PIK3C3: variants seen among roughly 807,000 people sequenced by gnomAD.
The protein encoded by PIK3C3 is PI3-kinase type 3.
PIK3C3 carries 95 observed loss-of-function variants against 126.1 expected under a neutral mutation model. The observed-to-expected ratio is 0.75, with a 90% CI of 0.64 to 0.89. PIK3C3 has a LOEUF of 0.89. Ranked by LOEUF, PIK3C3 falls within the 40% of genes least tolerant of loss-of-function variation. The probability of loss-of-function intolerance (pLI) is 0.00; values close to 1 mark genes in which losing one functional copy is unlikely to be tolerated. For missense variants in PIK3C3, 829 were observed against 1,063.2 expected, an observed-to-expected ratio of 0.78 and a Z score of 3.06; for synonymous variants, 374 against 360.0, an observed-to-expected ratio of 1.04 and a Z score of -0.44.
intron 5 of PIK3C3, 105 bp downstream of exon 5, chr18:41,988,003 C>A: frequency 1.5e-6 from 1 of 647,010 alleles, no homozygotes; most frequent in Non-Finnish European, 2.6e-6. Context: ...ATAGGATTAT[C>A]AGGGTTAACC....
intron 4 of PIK3C3, chr18:41,984,767 A>T (rs949697635): frequency 1.3e-5 from 2 of 152,188 alleles, no homozygotes; most frequent in African/African-American, 4.8e-5. Context: ...TCTGATAAGT[A>T]AGCGCTGTGC....
At chr18:42,062,258 A>T (rs62082876) in intron 22 of PIK3C3, among the ~76,000 whole-genome samples, 13,068 of 149,140 alleles carry the variant, frequency 0.088, 616 homozygotes, top group Non-Finnish European at 0.11. Flanking sequence ...TTTTTTTATA[A>T]TATGTAACAG....
intron 24 of PIK3C3, among the ~76,000 whole-genome samples, chr18:42,078,136 G>T (rs1346616746): frequency 6.6e-6 from 1 of 151,950 alleles, no homozygotes; most frequent in East Asian, 1.9e-4. Flanking sequence ...CCAGCACTTT[G>T]GGAGGCCGAG....
At chr18:42,041,560 T>A (rs1354573603) in intron 19 of PIK3C3, among the ~76,000 whole-genome samples, 7 of 148,628 alleles carry the variant, frequency 4.7e-5, no homozygotes, top group Admixed American at 4.7e-4. Context: ...TTGTTATTTT[T>A]AAAATATAAT....
At chr18:42,051,727 G>T (rs1984811592) in intron 21 of PIK3C3, among the ~76,000 whole-genome samples, 1 of 151,900 alleles carries the variant, frequency 6.6e-6, no homozygotes, top group South Asian at 2.1e-4. Context: ...TTGTAATTTG[G>T]AAGTTTTCAT....
At chr18:42,073,131 T>C (rs571306921) in intron 24 of PIK3C3, among the ~76,000 whole-genome samples, 7 of 152,212 alleles carry the variant, frequency 4.6e-5, no homozygotes, top group African/African-American at 1.7e-4. Context: ...TGTAAAAAAA[T>C]AAATAACCAA....
chr18:42,058,341 T>G lies in PIK3C3; in HGVS notation c.2432+290T>G, dbSNP rs141703850. Among the ~76,000 whole-genome samples, 832 of 152,284 alleles carry G rather than the reference T, an allele frequency of 5.5e-3. 13 individuals carry two copies. Among genetic ancestry groups the G allele is most frequent in the African/African-American group, 0.019 (790 of 41,552 alleles). On this transcript the variant is annotated intron_variant, in intron 22 of 24. Transcript: ENST00000262039. ...AACATGGAGGCTTCCAACTCAATGGTGTTGATGTCACTTTAATAAAGTATA... is the reference window on the plus strand; with the variant it reads ...AACATGGAGGCTTCCAACTCAATGGGGTTGATGTCACTTTAATAAAGTATA...
chr18:42,055,020 C>T (rs1984999264), intron 21 of PIK3C3, among the ~76,000 whole-genome samples: 1 of 151,660 alleles, frequency 6.6e-6, no homozygotes, highest in Non-Finnish European at 1.5e-5. Context: ...TTCTTTTTCC[C>T]ACTTGCTATA....
At chr18:41,969,598 A>G (rs1980550798) in intron 3 of PIK3C3, among the ~76,000 whole-genome samples, 1 of 152,240 alleles carries the variant, frequency 6.6e-6, no homozygotes, top group Admixed American at 6.5e-5. Flanking sequence ...ATGTTTTTGT[A>G]TGAATCTACT....
intron 15 of PIK3C3, among the ~76,000 whole-genome samples, chr18:42,030,731 C>T (rs1340627583): frequency 6.6e-6 from 1 of 152,168 alleles, no homozygotes; most frequent in African/African-American, 2.4e-5. Flanking sequence ...TGTAGCACCT[C>T]TCCCCAGAGG....
intron 4 of PIK3C3, among the ~76,000 whole-genome samples, chr18:41,977,064 G>A (rs955971252): frequency 6.6e-6 from 1 of 152,162 alleles, no homozygotes; most frequent in Non-Finnish European, 1.5e-5. Context: ...AAGGTAGATA[G>A]AATATGAAGC....
At chr18:42,023,844 C>T (rs890619042) in intron 13 of PIK3C3, among the ~76,000 whole-genome samples, 1 of 152,148 alleles carries the variant, frequency 6.6e-6, no homozygotes, top group Non-Finnish European at 1.5e-5. Flanking sequence ...TTCCTTTGAA[C>T]ACTTGAATTT....
At chr18:42,076,149 T>TATATATATATACGC (rs1986004623) in intron 24 of PIK3C3, among the ~76,000 whole-genome samples, 1 of 88,626 alleles carries the variant, frequency 1.1e-5, no homozygotes, top group Non-Finnish European at 2.0e-5. Flanking sequence ...TATATGCGCA[T>TATATATATATACGC]ATATATATAT....
In PIK3C3 at chr18:42,033,882, G is replaced by C. The variant is rs1321061081; in HGVS notation, c.1764G>C (p.Val588=). The C allele has an allele frequency of 2.5e-6, 4 of 1,604,570 alleles. No individual in the cohort carries two copies. In the Admixed American group the frequency reaches 6.8e-5, roughly 27 times the overall value. Residue 588 remains valine (V), a synonymous_variant, in exon 16 of 25, where the codon GTG becomes GTC. Coordinates refer to ENST00000262039, the MANE Select transcript of PIK3C3 (RefSeq NM_002647.4). ...ATGAAAAGATGAATTTGTCAGATGT[G>C]GAACTTATCCCGTTGCCTTTAGAAC... is the stretch of plus-strand genomic sequence containing the variant. ...GDNEKMNLSD[V]ELIPLPLEPQ...
chr18:42,078,643 T>C (rs927096601), intron 24 of PIK3C3, among the ~76,000 whole-genome samples: 1 of 152,198 alleles, frequency 6.6e-6, no homozygotes, highest in African/African-American at 2.4e-5. Flanking sequence ...GAAAGTCCTA[T>C]GTGGCATCTT....
intron 23 of PIK3C3, 143 bp from the exon 24 acceptor site, chr18:42,067,245 C>A (rs1475217833): frequency 2.7e-5 from 19 of 697,034 alleles, no homozygotes; most frequent in Non-Finnish European, 4.1e-5. Context: ...GAATGCCATT[C>A]AGAATTCTAA....
chr18:41,964,375 A>C (rs1184255508), intron 3 of PIK3C3, among the ~76,000 whole-genome samples: 1 of 152,144 alleles, frequency 6.6e-6, no homozygotes, highest in Admixed American at 6.5e-5. Flanking sequence ...TTCTTTGCTT[A>C]GTATCTGTGT....
intron 16 of PIK3C3, among the ~76,000 whole-genome samples, chr18:42,036,801 A>G (rs879775619): frequency 6.6e-6 from 1 of 152,096 alleles, no homozygotes; most frequent in African/African-American, 2.4e-5. Context: ...AAGCTGCACA[A>G]CTAGTACAGA....
chr18:42,050,695 A>G (rs917810246), intron 21 of PIK3C3: 3 of 152,318 alleles, frequency 2.0e-5, no homozygotes, highest in East Asian at 1.9e-4. Context: ...CACTGTCTTC[A>G]TTTTTACTAC....
Sources: allele counts gnomAD v4.1 joint callset (sites outside exome capture counted in the v4.1 genomes callset), GRCh38; gene constraint gnomAD v4.1.1; transcripts MANE v1.5; gene names NCBI Gene and HGNC (gene_info 2026-07-23, HGNC 2026-07-21).